The following MFHAS1 variants were observed in gnomAD, a reference collection of about 807,000 sequenced individuals.
MFHAS1 encodes malignant fibrous histiocytoma-amplified sequence 1.
Under a neutral mutation model 70.4 loss-of-function variants are expected in MFHAS1, and 50 were observed. The observed-to-expected ratio is 0.71, with a 90% CI of 0.57 to 0.90. The LOEUF (loss-of-function observed/expected upper bound fraction) is 0.90, where lower values mean the gene tolerates loss of function less well. Among genes scored for constraint, MFHAS1 ranks in the 40% least tolerant of loss-of-function variants. The pLI, the probability that MFHAS1 is intolerant of heterozygous loss-of-function variation, is 0.00. For missense variants in MFHAS1, 1,795 were observed against 1,347.6 expected, an observed-to-expected ratio of 1.33 and a Z score of -5.20; for synonymous variants, 952 against 620.0, an observed-to-expected ratio of 1.54 and a Z score of -7.96.
intron 1 of MFHAS1, among the ~76,000 whole-genome samples, chr8:8,863,636 C>A (rs2116893927): frequency 6.6e-6 from 1 of 152,226 alleles, no homozygotes; most frequent in South Asian, 2.1e-4. Flanking sequence ...CATCTGATTC[C>A]TACCTATTTG....
intron 1 of MFHAS1, among the ~76,000 whole-genome samples, chr8:8,880,787 T>C (rs1369591913): frequency 1.3e-5 from 2 of 151,670 alleles, no homozygotes; most frequent in African/African-American, 4.8e-5. Context: ...TGGGTTCAAG[T>C]GATTCTCCTG....
chr8:8,857,779 AT>A (rs1808500139), intron 1 of MFHAS1, among the ~76,000 whole-genome samples: 2 of 152,088 alleles, frequency 1.3e-5, no homozygotes, highest in Non-Finnish European at 2.9e-5. Context: ...ACAAAAAAAA[AT>A]CTTTTGTTTG....
intron 1 of MFHAS1, among the ~76,000 whole-genome samples, chr8:8,884,081 C>CACACAA (rs752918237): frequency 7.3e-5 from 9 of 123,566 alleles, no homozygotes; most frequent in African/African-American, 3.2e-4. Context: ...CACACACACA[C>CACACAA]AAAAAGAAAA....
At chr8:8,817,767 A>G (rs559357620) in intron 1 of MFHAS1, among the ~76,000 whole-genome samples, 2 of 152,248 alleles carry the variant, frequency 1.3e-5, no homozygotes, top group Non-Finnish European at 2.9e-5. Context: ...TTAGATTCTC[A>G]TAAGGAGTGC....
In MFHAS1 at chr8:8,890,484, G is replaced by T; in HGVS notation, c.2575C>A (p.Pro859Thr). 2 of 1,613,676 alleles carry T rather than the reference G, an allele frequency of 1.2e-6. No individual in the cohort carries two copies. The highest frequency in any genetic ancestry group is 2.2e-5 in the South Asian group (2 of 91,078). The change falls in exon 1 of 3, where the codon CCC (proline) becomes ACC (threonine). Residue 859 changes from proline to threonine, a missense_variant. Coordinates refer to ENST00000276282, the MANE Select transcript of MFHAS1 (RefSeq NM_004225.3). Reference sequence around the variant, plus strand: ...CCATTAATCCAGGCTTCTGCATGGGGCACCTCGTTCTGCACATAGCATGGG... The same window carrying T: ...CCATTAATCCAGGCTTCTGCATGGGTCACCTCGTTCTGCACATAGCATGGG... ...KFPCYVQNEV[P>T]HAEAWINGTN...
intron 1 of MFHAS1, among the ~76,000 whole-genome samples, chr8:8,881,054 C>T (rs1444458895): frequency 6.6e-6 from 1 of 152,132 alleles, no homozygotes; most frequent in African/African-American, 2.4e-5. Context: ...AGCAGTAACC[C>T]GATGCCTCTG....
At chr8:8,826,493 G>A (rs963178900) in intron 1 of MFHAS1, among the ~76,000 whole-genome samples, 9 of 152,188 alleles carry the variant, frequency 5.9e-5, no homozygotes, top group African/African-American at 1.9e-4. Context: ...AGCACTTTGA[G>A]AGACCCAGGA....
intron 1 of MFHAS1, among the ~76,000 whole-genome samples, chr8:8,875,747 C>G (rs1284703018): frequency 1.3e-5 from 2 of 152,066 alleles, no homozygotes; most frequent in South Asian, 2.1e-4. Flanking sequence ...CGTGCCACCA[C>G]GCTCAGCTAA....
At chr8:8,873,213 C>T (rs931052369) in intron 1 of MFHAS1, among the ~76,000 whole-genome samples, 7 of 152,186 alleles carry the variant, frequency 4.6e-5, no homozygotes, top group Non-Finnish European at 7.3e-5. Context: ...CTCAGCTATG[C>T]CATGAGTCAA....
At chr8:8,877,240 T>C (rs1304573490) in intron 1 of MFHAS1, among the ~76,000 whole-genome samples, 4 of 142,124 alleles carry the variant, frequency 2.8e-5, no homozygotes, top group African/African-American at 1.0e-4. Flanking sequence ...GTCAAGGCTT[T>C]AGTGAGCTGT....
chr8:8,856,887 G>T (rs796564775), intron 1 of MFHAS1, among the ~76,000 whole-genome samples: 1 of 139,560 alleles, frequency 7.2e-6, no homozygotes, highest in South Asian at 2.3e-4. Flanking sequence ...TGCCCTAGAA[G>T]CCACTAGGAT....
intron 1 of MFHAS1, among the ~76,000 whole-genome samples, chr8:8,837,246 A>G (rs1178286508): frequency 6.6e-6 from 1 of 152,228 alleles, no homozygotes; most frequent in Non-Finnish European, 1.5e-5. Flanking sequence ...GAAGAACAAA[A>G]TAGTTATCCT....
At chr8:8,824,521 T>TCTCACA (rs1484537416) in intron 1 of MFHAS1, among the ~76,000 whole-genome samples, 115 of 146,026 alleles carry the variant, frequency 7.9e-4, no homozygotes, top group African/African-American at 2.1e-3. Flanking sequence ...TCTCTCTCTT[T>TCTCACA]CACACACACA....
intron 1 of MFHAS1, among the ~76,000 whole-genome samples, chr8:8,872,880 G>A (rs1455814848): frequency 6.6e-6 from 1 of 152,148 alleles, no homozygotes; most frequent in South Asian, 2.1e-4. Context: ...ATATTTCAGA[G>A]GCTTAACAAA....
chr8:8,803,164 G>A (rs554433717), intron 1 of MFHAS1, among the ~76,000 whole-genome samples: 1 of 152,276 alleles, frequency 6.6e-6, no homozygotes, highest in East Asian at 1.9e-4. Flanking sequence ...CTCCTTATCA[G>A]TGAGTTTTGC....
intron 1 of MFHAS1, among the ~76,000 whole-genome samples, chr8:8,815,306 G>A (rs1806700174): frequency 6.6e-6 from 1 of 152,122 alleles, no homozygotes; most frequent in Non-Finnish European, 1.5e-5. Context: ...TTGTTATTGT[G>A]AATAGTGCTG....
chr8:8,889,008 C>G (rs1310702974), intron 1 of MFHAS1, among the ~76,000 whole-genome samples: 3 of 112,246 alleles, frequency 2.7e-5, no homozygotes, highest in Non-Finnish European at 5.4e-5. Flanking sequence ...TAAAACTGCT[C>G]TAAGAAAAAA....
chr8:8,858,731 A>G (rs1165135757), intron 1 of MFHAS1, among the ~76,000 whole-genome samples: 1 of 152,146 alleles, frequency 6.6e-6, no homozygotes, highest in Non-Finnish European at 1.5e-5. Flanking sequence ...GGACCTGCAT[A>G]TGAGATGAGC....
chr8:8,789,947 C>CCCTACTTGT (rs1442141162), intron 2 of MFHAS1, among the ~76,000 whole-genome samples: 1 of 152,152 alleles, frequency 6.6e-6, no homozygotes, highest in East Asian at 1.9e-4. Flanking sequence ...CCCCTCTCCC[C>CCCTACTTGT]TCCTGCCCCC....
Sources: allele counts gnomAD v4.1 joint callset (sites outside exome capture counted in the v4.1 genomes callset), GRCh38; gene constraint gnomAD v4.1.1; transcripts MANE v1.5; gene names NCBI Gene and HGNC (gene_info 2026-07-23, HGNC 2026-07-21).